AVEN: variants seen among roughly 807,000 people sequenced by gnomAD.
The protein encoded by AVEN is apoptosis and caspase activation inhibitor.
Under a neutral mutation model 38.1 loss-of-function variants are expected in AVEN, and 41 were observed. That is an observed-to-expected ratio of 1.08 (90% CI 0.84 to 1.40). AVEN has a LOEUF of 1.40. Among genes scored for constraint, AVEN ranks in the 40% most tolerant of loss-of-function variants. The probability of loss-of-function intolerance (pLI) is 0.00; values close to 1 mark genes in which losing one functional copy is unlikely to be tolerated. For missense variants in AVEN, 605 were observed against 438.8 expected, an observed-to-expected ratio of 1.38 and a Z score of -3.38; for synonymous variants, 206 against 171.8, an observed-to-expected ratio of 1.20 and a Z score of -1.56.
intron 1 of AVEN, among the ~76,000 whole-genome samples, chr15:34,033,808 A>C (rs1898977390): frequency 6.6e-6 from 1 of 152,156 alleles, no homozygotes; most frequent in Non-Finnish European, 1.5e-5. Flanking sequence ...TTTTGTTTTG[A>C]GATGGAGTCT....
intron 5 of AVEN, among the ~76,000 whole-genome samples, chr15:34,051,476 A>T (rs1489874296): frequency 6.6e-6 from 1 of 152,258 alleles, no homozygotes; most frequent in Non-Finnish European, 1.5e-5. Context: ...GAAGATGACA[A>T]GAAATAACTA....
intron 3 of AVEN, among the ~76,000 whole-genome samples, chr15:33,873,411 T>C (rs1891081922): frequency 6.7e-6 from 1 of 150,150 alleles, no homozygotes; most frequent in Non-Finnish European, 1.5e-5. Flanking sequence ...CTCTCTATTG[T>C]CTTGCGTCAC....
intron 1 of AVEN, among the ~76,000 whole-genome samples, chr15:34,033,891 G>A (rs1020593046): frequency 9.9e-5 from 15 of 152,172 alleles, no homozygotes; most frequent in Middle Eastern, 3.4e-3. Context: ...AAGTTTAAGC[G>A]ATTCTCCCGC....
chr15:33,928,723 A>G (rs576084580), intron 2 of AVEN, among the ~76,000 whole-genome samples: 3 of 152,308 alleles, frequency 2.0e-5, no homozygotes, highest in African/African-American at 7.2e-5. Flanking sequence ...TCCCAGAGGG[A>G]CTGCACAAGT....
At chr15:33,878,356 A>C (rs946279255) in intron 2 of AVEN, among the ~76,000 whole-genome samples, 1 of 152,176 alleles carries the variant, frequency 6.6e-6, no homozygotes, top group Non-Finnish European at 1.5e-5. Context: ...AAACAGCCCC[A>C]GGTATATGGA....
chr15:33,894,295 A>G (rs945111705), intron 2 of AVEN, among the ~76,000 whole-genome samples: 4 of 152,000 alleles, frequency 2.6e-5, no homozygotes, highest in Non-Finnish European at 5.9e-5. Context: ...AAAGTGCAGA[A>G]CCAGGAAGGA....
At chr15:33,857,918 A>G (rs1235991079), downstream of AVEN, 6 of 1,613,318 alleles carry the variant, frequency 3.7e-6, no homozygotes, top group Non-Finnish European at 5.1e-6. Flanking sequence ...GATGACGGTG[A>G]GAGCCCACCC....
chr15:33,887,095 A>T (rs1315270925), intron 2 of AVEN, among the ~76,000 whole-genome samples: 1 of 152,260 alleles, frequency 6.6e-6, no homozygotes, highest in East Asian at 1.9e-4. Flanking sequence ...TCATAGTTCT[A>T]TCAAACCACA....
At chr15:33,899,283 A>G (rs892337997) in intron 2 of AVEN, among the ~76,000 whole-genome samples, 3 of 152,136 alleles carry the variant, frequency 2.0e-5, no homozygotes, top group African/African-American at 7.2e-5. Context: ...CTGATGCTCA[A>G]ACTGAATTTT....
chr15:33,881,756 C>T (rs894371940), intron 2 of AVEN, among the ~76,000 whole-genome samples: 1 of 152,182 alleles, frequency 6.6e-6, no homozygotes, highest in Non-Finnish European at 1.5e-5. Flanking sequence ...CAATTAGAAA[C>T]CTACTTTAAG....
intron 2 of AVEN, among the ~76,000 whole-genome samples, chr15:33,929,365 A>C (rs1893752296): frequency 6.6e-6 from 1 of 152,152 alleles, no homozygotes; most frequent in Admixed American, 6.5e-5. Flanking sequence ...TCATATTTTG[A>C]GTAACAATTT....
chr15:33,908,515 T>C lies in AVEN; in HGVS notation c.446-32520A>G. ...GCAAATAGGTTATTCCCATGAGAAC[T>C]CACCCCGAACCCTGGCAACTACCAT... On this transcript the variant is annotated intron_variant, in intron 2 of 5. Transcript: ENST00000306730. 1.3e-5 allele frequency among the ~76,000 whole-genome samples: 2 copies of C among 152,036 alleles called. 1 individual carries two copies. Among genetic ancestry groups the C allele is most frequent in the Non-Finnish European group, 2.9e-5 (2 of 67,990 alleles).
At chr15:34,045,514 A>G (rs1178490718) in intron 5 of AVEN, among the ~76,000 whole-genome samples, 2 of 152,150 alleles carry the variant, frequency 1.3e-5, no homozygotes, top group Non-Finnish European at 2.9e-5. Flanking sequence ...CTTTAAGCCT[A>G]CTTTGTCTTG....
upstream of AVEN, among the ~76,000 whole-genome samples, chr15:34,040,427 CAG>C (rs1402593046): frequency 7.2e-5 from 11 of 152,280 alleles, no homozygotes; most frequent in Non-Finnish European, 1.0e-4. Context: ...GCCTTCCAGA[CAG>C]GGGGAACTAT....
At chr15:33,981,101 A>T (rs1896122467) in intron 2 of AVEN, among the ~76,000 whole-genome samples, 1 of 150,736 alleles carries the variant, frequency 6.6e-6, no homozygotes, top group Admixed American at 6.7e-5. Context: ...AGTTTTGGAC[A>T]GCAACCCCTC....
At chr15:33,854,727 G>T, downstream of AVEN, 1 of 1,576,356 alleles carries the variant, frequency 6.3e-7, no homozygotes, top group Non-Finnish European at 8.6e-7. Flanking sequence ...CACACTATGA[G>T]GCAAACATGC....
chr15:33,886,570 A>T (rs1401562184), intron 2 of AVEN, among the ~76,000 whole-genome samples: 1 of 151,928 alleles, frequency 6.6e-6, no homozygotes, highest in Admixed American at 6.6e-5. Flanking sequence ...CCCAAAGGAG[A>T]GTTGATGGTT....
At position 34,038,984 on chromosome 15, in the gene AVEN, G is replaced by A. The variant is rs1235274038; in HGVS notation, c.63C>T (p.Gly21=). 3.3e-5 allele frequency: 37 copies of A among 1,113,040 alleles called. No homozygotes were observed. Among genetic ancestry groups the A allele is most frequent in the Admixed American group, 4.9e-5 (1 of 20,524 alleles). 68.9% of individuals were successfully genotyped at this position (1,113,040 alleles called of 1,614,324 possible). The part of the protein sequence containing the change: ...RGRRPGRGRP[G]GDRHSERPGA... ...CGGGCCGCTCGCTGTGGCGATCTCC[G>A]CCAGGCCGGCCGCGGCCTGGCCGCC... The change falls in exon 1 of 6, where the codon GGC becomes GGT. Residue 21 remains glycine (G), a synonymous_variant. Transcript: ENST00000306730.
intron 11 of AVEN, chr15:33,861,143 A>C: frequency 1.3e-6 from 2 of 1,596,300 alleles, no homozygotes; most frequent in Non-Finnish European, 1.7e-6. Context: ...GTTTTGAAAC[A>C]CATACATTAC....
Sources: allele counts gnomAD v4.1 joint callset (sites outside exome capture counted in the v4.1 genomes callset), GRCh38; gene constraint gnomAD v4.1.1; transcripts MANE v1.5; gene names NCBI Gene and HGNC (gene_info 2026-07-23, HGNC 2026-07-21).